Variants in ESRRB observed in about 807,000 individuals in gnomAD.
ESRRB encodes the protein steroid hormone receptor ERR2.
ESRRB carries 16 observed loss-of-function variants against 46.0 expected under a neutral mutation model. The ratio of observed to expected loss-of-function variants is 0.35; its 90% CI spans 0.24 to 0.53. ESRRB has a LOEUF of 0.53. ESRRB is among the 20% of genes least tolerant of loss of function. The probability of loss-of-function intolerance (pLI) is 0.93; values close to 1 mark genes in which losing one functional copy is unlikely to be tolerated. For missense variants in ESRRB, 488 were observed against 607.4 expected, an observed-to-expected ratio of 0.80 and a Z score of 2.07; for synonymous variants, 246 against 259.6, an observed-to-expected ratio of 0.95 and a Z score of 0.50.
chr14:76,365,130 A>G (rs1266464540), intron 1 of ESRRB, among the ~76,000 whole-genome samples: 1 of 152,224 alleles, frequency 6.6e-6, no homozygotes, highest in East Asian at 1.9e-4. Flanking sequence ...AAAAATGCCA[A>G]GTGGTCACAG....
At chr14:76,327,284 G>A (rs1406590327) in intron 1 of ESRRB, among the ~76,000 whole-genome samples, 1 of 152,192 alleles carries the variant, frequency 6.6e-6, no homozygotes, top group African/African-American at 2.4e-5. Context: ...CTGGGGCTTG[G>A]CCAGCTTCCC....
Position 76,310,867 on chromosome 14 carries a change from G to C in ESRRB, c.-48G>C, listed in dbSNP as rs554067472. On this transcript the variant is annotated 5_prime_UTR_variant, in exon 1 of 7. Coordinates refer to the ESRRB transcript ENST00000512784. The stretch of plus-strand genomic sequence containing the variant: ...AGCAACTGAAAGCACCTGAGGGGCC[G>C]CACATTCCACCCCAGCCCAGTCCTC... 3 of 455,064 alleles carry C rather than the reference G, an allele frequency of 6.6e-6. No individual in the cohort carries two copies. The East Asian group carries it at 2.1e-4, about 32-fold the overall frequency. 28.2% of individuals were successfully genotyped at this position (455,064 alleles called of 1,614,324 possible).
intron 1 of ESRRB, among the ~76,000 whole-genome samples, chr14:76,344,229 A>G (rs116211511): frequency 0.01 from 1,562 of 152,320 alleles, 18 homozygotes; most frequent in African/African-American, 0.036. Flanking sequence ...TGTGCTCAAA[A>G]TATTCACTAT....
intron 1 of ESRRB, among the ~76,000 whole-genome samples, chr14:76,437,310 G>A (rs11623459): frequency 0.079 from 12,076 of 152,212 alleles, 744 homozygotes; most frequent in African/African-American, 0.16. Context: ...GGGATTACAG[G>A]CATGAGCCAC....
At chr14:76,389,063 C>T (rs995446823) in intron 1 of ESRRB, among the ~76,000 whole-genome samples, 2 of 152,204 alleles carry the variant, frequency 1.3e-5, no homozygotes, top group African/African-American at 4.8e-5. Context: ...TGGAGCGTAT[C>T]TTCAGTTCTT....
intron 1 of ESRRB, among the ~76,000 whole-genome samples, chr14:76,333,428 A>G (rs1420346731): frequency 7.7e-6 from 1 of 129,472 alleles, no homozygotes; most frequent in Non-Finnish European, 1.6e-5. Flanking sequence ...TATCATATAT[A>G]TATTTATATA....
rs1440292778 is a variant in ESRRB, at chr14:76,358,327, GAAAGAAAGAAAGAAAGAAAGA to G, written c.2+47414_2+47434del. ...ACTCTGTCTCAAAAAAAAAAAAAAAGAAAGAAAGAAAGAAAGAAAGAAAGAAAGAAAGAAAGAAAGAAAGAA... is the reference window on the plus strand; with the variant it reads ...ACTCTGTCTCAAAAAAAAAAAAAAAGAAGAAAGAAAGAAAGAAAGAAAGAA... On this transcript the variant is annotated intron_variant, in intron 1 of 6. Coordinates refer to the ESRRB transcript ENST00000512784. Among the ~76,000 whole-genome samples, 14 of 11,216 alleles carry G rather than the reference GAAAGAAAGAAAGAAAGAAAGA, an allele frequency of 1.2e-3. 2 individuals are homozygous for G. The highest frequency in any genetic ancestry group is 1.3e-3 in the Non-Finnish European group (9 of 7,098). The allele number at this position is 11,216 out of a possible 152,430, so 7.4% of individuals were successfully genotyped here. A position where few individuals can be genotyped will look rare whatever the true frequency, so the allele number is the denominator to read the frequency against.
intron 1 of ESRRB, among the ~76,000 whole-genome samples, chr14:76,365,172 G>A (rs1884505813): frequency 6.6e-6 from 1 of 152,150 alleles, no homozygotes; most frequent in Non-Finnish European, 1.5e-5. Flanking sequence ...TGAGTTCTTT[G>A]TTTTTAGAAT....
intron 2 of ESRRB, among the ~76,000 whole-genome samples, chr14:76,452,007 T>C (rs1595132409): frequency 6.6e-6 from 1 of 151,530 alleles, no homozygotes; most frequent in Non-Finnish European, 1.5e-5. Context: ...TGCAATGTCA[T>C]GGTCTTGGGT....
At chr14:76,398,426 G>A (rs953213247) in intron 1 of ESRRB, among the ~76,000 whole-genome samples, 9 of 152,266 alleles carry the variant, frequency 5.9e-5, no homozygotes, top group East Asian at 5.8e-4. Context: ...AACTGAGTCC[G>A]CTTTTTGTTA....
Position 76,499,591 on chromosome 14 carries a change from G to A in ESRRB, c.*1133G>A. Reference sequence around the variant, plus strand: ...CAGGGCTAGTGTACCAGTGCCACAGGAGGGGTGCCCTCCTACCACACTTGG... The same window carrying A: ...CAGGGCTAGTGTACCAGTGCCACAGAAGGGGTGCCCTCCTACCACACTTGG... On this transcript the variant is annotated 3_prime_UTR_variant, in exon 7 of 7. Coordinates refer to ENST00000644823, the MANE Select transcript of ESRRB (RefSeq NM_001379180.1). The A allele has an allele frequency of 3.8e-6, 2 of 533,250 alleles. No individual in the cohort carries two copies. Among genetic ancestry groups the A allele is most frequent in the Non-Finnish European group, 6.8e-6 (2 of 293,666 alleles). 33.0% of individuals were successfully genotyped at this position (533,250 alleles called of 1,614,324 possible).
intron 1 of ESRRB, among the ~76,000 whole-genome samples, chr14:76,417,599 C>T (rs550520058): frequency 4.6e-5 from 7 of 152,202 alleles, no homozygotes; most frequent in Non-Finnish European, 1.0e-4. Flanking sequence ...GCATTTCAAG[C>T]ATATTTCAAG....
chr14:76,357,126 G>A, intron 1 of ESRRB, among the ~76,000 whole-genome samples: 1 of 141,518 alleles, frequency 7.1e-6, no homozygotes, highest in East Asian at 1.9e-4. Flanking sequence ...TAATCTACTA[G>A]CATCCACCAC....
At chr14:76,444,898 C>T (rs180853269) in intron 2 of ESRRB, among the ~76,000 whole-genome samples, 190 of 152,220 alleles carry the variant, frequency 1.2e-3, no homozygotes, top group Non-Finnish European at 2.4e-3. Flanking sequence ...TGTGGTGGCT[C>T]CTGCCTGTAA....
intron 1 of ESRRB, among the ~76,000 whole-genome samples, chr14:76,386,395 C>T (rs935757526): frequency 1.3e-5 from 2 of 150,592 alleles, no homozygotes; most frequent in African/African-American, 2.4e-5. Context: ...ACACATTGCT[C>T]TTATTTTTTT....
At chr14:76,400,201 G>A (rs890552397) in intron 1 of ESRRB, among the ~76,000 whole-genome samples, 1 of 152,154 alleles carries the variant, frequency 6.6e-6, no homozygotes, top group African/African-American at 2.4e-5. Context: ...CTTCAACTGG[G>A]TACTTCGTGT....
intron 6 of ESRRB, among the ~76,000 whole-genome samples, chr14:76,494,600 C>T (rs1890352852): frequency 6.6e-6 from 1 of 152,146 alleles, no homozygotes; most frequent in African/African-American, 2.4e-5. Context: ...AGTCACTGCA[C>T]CCGGCCGACT....
chr14:76,423,229 T>C (rs948485058), intron 1 of ESRRB, among the ~76,000 whole-genome samples: 1 of 149,474 alleles, frequency 6.7e-6, no homozygotes, highest in Non-Finnish European at 1.5e-5. Context: ...CTGCATCCTC[T>C]GCCTCCCGCG....
At chr14:76,478,190 C>T (rs572393613) in intron 3 of ESRRB, among the ~76,000 whole-genome samples, 5 of 152,246 alleles carry the variant, frequency 3.3e-5, no homozygotes, top group East Asian at 1.9e-4. Context: ...GACTGTGAGC[C>T]GCCCCTGGCC....
Sources: gnomAD v4.1 joint callset for allele counts (sites outside exome capture counted in the v4.1 genomes callset) on GRCh38, gnomAD v4.1.1 for gene constraint, MANE v1.5 for transcripts, NCBI Gene and HGNC (gene_info 2026-07-23, HGNC 2026-07-21) for gene names.